RILPL2: variants seen among roughly 807,000 people sequenced by gnomAD.
The protein encoded by RILPL2 is Rab interacting lysosomal protein like 2.
RILPL2 carries 19 observed loss-of-function variants against 22.2 expected under a neutral mutation model. The observed-to-expected ratio is 0.86, with a 90% CI of 0.60 to 1.25. The LOEUF is 1.25. Ranked by LOEUF, RILPL2 falls within the 50% of genes most tolerant of loss-of-function variation. RILPL2 has a pLI of 0.00. For missense variants in RILPL2, 243 were observed against 263.6 expected (o/e 0.92, Z 0.54); for synonymous variants, 123 against 111.6 (o/e 1.10, Z -0.64).
chr12:123,409,640 C>T, the RILPL2 span, among the ~76,000 whole-genome samples: 4 of 150,710 alleles, frequency 2.7e-5, no homozygotes, highest in African/African-American at 9.8e-5. Flanking sequence ...ACCTCCACCT[C>T]CTTGGTTCAA....
At position 123,436,237 on chromosome 12, in the gene RILPL2, T is replaced by A; in HGVS notation, c.184A>T (p.Thr62Ser). The change falls in exon 1 of 4, where the codon ACG becomes TCG. Residue 62 changes from threonine (T) to serine (S), a missense_variant. Coordinates refer to ENST00000280571, the MANE Select transcript of RILPL2 (RefSeq NM_145058.3). The surrounding 1 kb of genome is among the most constrained non-coding windows in gnomAD (Gnocchi z 6.7). ...LMALGSDPRV[T>S]QLQFKVVRVL... ...CGGACGACTTTGAACTGCAGCTGCG[T>A]CACCCGGGGGTCGCTGCCCAGGGCC... The A allele has an allele frequency of 6.2e-7, 1 of 1,612,366 alleles. No homozygotes were observed. Among genetic ancestry groups the A allele is most frequent in the East Asian group, 2.2e-5 (1 of 44,776 alleles).
intron 3 of RILPL2, among the ~76,000 whole-genome samples, chr12:123,419,216 T>C (rs1757728534): frequency 6.7e-6 from 1 of 149,866 alleles, no homozygotes; most frequent in African/African-American, 2.5e-5. Flanking sequence ...TTCACCATGT[T>C]AGCCAGGATG....
At position 123,436,231 on chromosome 12, in the gene RILPL2, G is replaced by A; in HGVS notation, c.190C>T (p.Leu64=). ...AGGACGCGGACGACTTTGAACTGCA[G>A]CTGCGTCACCCGGGGGTCGCTGCCC... ...ALGSDPRVTQ[L]QFKVVRVLEM... The change falls in exon 1 of 4, where the codon CTG becomes TTG. Residue 64 remains leucine, a synonymous_variant. Transcript: ENST00000280571. This position sits in a 1 kb window ranked among gnomAD's most constrained non-coding sequence, Gnocchi z 6.7. The A allele has an allele frequency of 6.2e-7, 1 of 1,612,624 alleles. No individual in the cohort carries two copies. Among genetic ancestry groups the A allele is most frequent in the Non-Finnish European group, 8.5e-7 (1 of 1,179,450 alleles).
At position 123,415,861 on chromosome 12, in the gene RILPL2, A is replaced by G. The variant is rs751694213; in HGVS notation, c.*30T>C. On this transcript the variant is annotated 3_prime_UTR_variant, in exon 4 of 4. Transcript: ENST00000280571. Reference sequence around the variant, plus strand: ...TCTTGGAAGGTTGTCTTCTAGAATCAGAGCCATAGCCTTACTTGTGGCCTT... The same window carrying G: ...TCTTGGAAGGTTGTCTTCTAGAATCGGAGCCATAGCCTTACTTGTGGCCTT... 41 of 1,612,922 alleles carry G rather than the reference A, an allele frequency of 2.5e-5. No homozygotes were observed. In the Middle Eastern group the frequency reaches 1.2e-3, roughly 45 times the overall value.
chr12:123,410,522 T>C (rs1031970989), downstream of RILPL2, among the ~76,000 whole-genome samples: 2 of 152,176 alleles, frequency 1.3e-5, no homozygotes, highest in Non-Finnish European at 2.9e-5. Flanking sequence ...CCCCCAAAGA[T>C]TCAGGCATCA....
chr12:123,418,756 C>CTTTTTTTTTTTTTTTTTTTTTTTTT (rs1202023726), intron 3 of RILPL2, among the ~76,000 whole-genome samples: 4 of 96,240 alleles, frequency 4.2e-5, no homozygotes, highest in Non-Finnish European at 6.1e-5. Flanking sequence ...CTTTTTCTTT[C>CTTTTTTTTTTTTTTTTTTTTTTTTT]TTTTTTTTTT....
intron 1 of RILPL2, among the ~76,000 whole-genome samples, chr12:123,431,659 TA>T (rs574971827): frequency 6.6e-6 from 1 of 151,354 alleles, no homozygotes; most frequent in Non-Finnish European, 1.5e-5. Flanking sequence ...CCGTCTCTAC[TA>T]AAAAAATACA....
chr12:123,422,985 C>T, intron 3 of RILPL2, 59 bp downstream of exon 3: 2 of 1,277,142 alleles, frequency 1.6e-6, no homozygotes, highest in Non-Finnish European at 2.3e-6. Flanking sequence ...CTTCTTGCCC[C>T]CGACTACTTC....
chr12:123,421,769 G>A (rs1879289081), intron 3 of RILPL2, among the ~76,000 whole-genome samples: 1 of 149,500 alleles, frequency 6.7e-6, no homozygotes, highest in Admixed American at 6.8e-5. Flanking sequence ...CCGGGCTCAA[G>A]CGATTCTCCT....
In RILPL2 at chr12:123,436,612, C is replaced by G. The variant is rs1454048248; in HGVS notation, c.-192G>C. On this transcript the variant is annotated 5_prime_UTR_variant, in exon 1 of 4. Transcript: ENST00000280571. This position sits in a 1 kb window ranked among gnomAD's most constrained non-coding sequence, Gnocchi z 6.7. Reference sequence around the variant, plus strand: ...CTCTTGGGCCTGCGCCCCGGCGCACCGTCCCCGCTGCCAGCCACGCTGGAG... The same window carrying G: ...CTCTTGGGCCTGCGCCCCGGCGCACGGTCCCCGCTGCCAGCCACGCTGGAG... 1.1e-6 allele frequency: 1 copy of G among 919,366 alleles called. No individual in the cohort carries two copies. Among genetic ancestry groups the G allele is most frequent in the Non-Finnish European group, 1.6e-6 (1 of 630,874 alleles). 57.0% of individuals were successfully genotyped at this position (919,366 alleles called of 1,614,324 possible).
Position 123,436,601 on chromosome 12 carries a change from C to T in RILPL2, c.-181G>A. 1 of 991,164 alleles carries T rather than the reference C, an allele frequency of 1.0e-6. No individual in the cohort carries two copies. The highest frequency in any genetic ancestry group is 2.9e-5 in the Admixed American group (1 of 34,128). 61.4% of individuals were successfully genotyped at this position (991,164 alleles called of 1,614,324 possible). On this transcript the variant is annotated 5_prime_UTR_variant, in exon 1 of 4. Coordinates refer to ENST00000280571, the MANE Select transcript of RILPL2 (RefSeq NM_145058.3). This position sits in a 1 kb window ranked among gnomAD's most constrained non-coding sequence, Gnocchi z 6.7. ...CGCGCACGCGACTCTTGGGCCTGCG[C>T]CCCGGCGCACCGTCCCCGCTGCCAG...
intron 2 of RILPL2, among the ~76,000 whole-genome samples, chr12:123,427,802 C>A (rs1644785855): frequency 6.6e-6 from 1 of 152,178 alleles, no homozygotes; most frequent in Non-Finnish European, 1.5e-5. Flanking sequence ...GCCTCGGCCT[C>A]CCAAAGTGCT....
chr12:123,428,964 A>T (rs1168594055), intron 2 of RILPL2, among the ~76,000 whole-genome samples: 1 of 152,160 alleles, frequency 6.6e-6, no homozygotes, highest in African/African-American at 2.4e-5. Context: ...GTTTCCCAGA[A>T]TTATTTGACT....
At chr12:123,424,427 G>A (rs962165919) in intron 2 of RILPL2, among the ~76,000 whole-genome samples, 3 of 150,180 alleles carry the variant, frequency 2.0e-5, no homozygotes, top group Non-Finnish European at 4.4e-5. Context: ...TGCCTCCCGG[G>A]TTCAAATGAT....
chr12:123,429,302 C>T (rs911972542), intron 2 of RILPL2, among the ~76,000 whole-genome samples: 2 of 151,684 alleles, frequency 1.3e-5, no homozygotes, highest in African/African-American at 4.8e-5. Flanking sequence ...GTTTTTGTTT[C>T]GTTTTGTTTT....
chr12:123,420,870 C>T (rs1032979980), intron 3 of RILPL2, among the ~76,000 whole-genome samples: 1 of 152,044 alleles, frequency 6.6e-6, no homozygotes. Flanking sequence ...TAAATAGATG[C>T]GGCTTCAGGT....
chr12:123,436,109 C>T lies in RILPL2; in HGVS notation c.312G>A (p.Arg104=). The change falls in exon 1 of 4, where the codon CGG becomes CGA. Residue 104 remains arginine, a synonymous_variant. Transcript: ENST00000280571. The surrounding 1 kb of genome is among the most constrained non-coding windows in gnomAD (Gnocchi z 6.7). ...CCCCGCTGGCCGGAGGGCTCTGTCT[C>T]CGCAGCCCCTCCACCTCCTTCCTGA... ...DHLRKEVEGL[R]RQSPPASGEV... The T allele has an allele frequency of 1.9e-6, 3 of 1,584,500 alleles. No homozygotes were observed. The highest frequency in any genetic ancestry group is 2.6e-6 in the Non-Finnish European group (3 of 1,165,942).
chr12:123,428,287 C>T (rs963744749), intron 2 of RILPL2, among the ~76,000 whole-genome samples: 7 of 152,136 alleles, frequency 4.6e-5, no homozygotes, highest in African/African-American at 1.4e-4. Context: ...CAGGCGCCCG[C>T]CACCACGCCT....
intron 3 of RILPL2, among the ~76,000 whole-genome samples, chr12:123,422,834 G>A (rs1019490274): frequency 2.0e-5 from 3 of 152,096 alleles, no homozygotes; most frequent in Non-Finnish European, 2.9e-5. Flanking sequence ...GTGATGATTC[G>A]ATGAATTAAT....
Sources: allele counts gnomAD v4.1 joint callset (sites outside exome capture counted in the v4.1 genomes callset), GRCh38; gene constraint gnomAD v4.1.1; non-coding constraint Gnocchi (gnomAD v3.1); transcripts MANE v1.5; gene names NCBI Gene and HGNC (gene_info 2026-07-23, HGNC 2026-07-21).